The following RBFOX3 variants were observed in gnomAD, a reference collection of about 807,000 sequenced individuals.
RBFOX3 encodes RNA binding fox-1 homolog 3.
Under a neutral mutation model 48.7 loss-of-function variants are expected in RBFOX3, and 17 were observed. The ratio of observed to expected loss-of-function variants is 0.35; its 90% CI spans 0.24 to 0.52. RBFOX3 has a LOEUF of 0.52. Ranked by LOEUF, RBFOX3 falls within the 20% of genes least tolerant of loss-of-function variation. The pLI, the probability that RBFOX3 is intolerant of heterozygous loss-of-function variation, is 0.94. For synonymous variants in RBFOX3, 212 were observed against 209.5 expected (o/e 1.01, Z -0.10); for missense variants, 382 against 497.5 (o/e 0.77, Z 2.21).
intron 1 of RBFOX3, among the ~76,000 whole-genome samples, chr17:79,558,307 C>T (rs2144051207): frequency 6.6e-6 from 1 of 152,290 alleles, no homozygotes; most frequent in African/African-American, 2.4e-5. Context: ...AAAATATTTG[C>T]TAACACAGAG....
intron 2 of RBFOX3, among the ~76,000 whole-genome samples, chr17:79,413,487 GGA>G (rs1384572215): frequency 6.6e-6 from 1 of 152,256 alleles, no homozygotes; most frequent in Non-Finnish European, 1.5e-5. Flanking sequence ...GGGAATCCCT[GGA>G]GCCACAGCAT....
chr17:79,457,736 T>C (rs782053511), intron 2 of RBFOX3, among the ~76,000 whole-genome samples: 17 of 152,218 alleles, frequency 1.1e-4, no homozygotes, highest in Non-Finnish European at 2.4e-4. Context: ...ACAACAGCCA[T>C]GAGATCCCTG....
At chr17:79,236,182 G>A (rs2061610890) in intron 3 of RBFOX3, among the ~76,000 whole-genome samples, 1 of 152,244 alleles carries the variant, frequency 6.6e-6, no homozygotes, top group Non-Finnish European at 1.5e-5. Context: ...CTTGTTGATG[G>A]TGACGTTTAG....
At chr17:79,468,161 G>A (rs925082995) in intron 2 of RBFOX3, among the ~76,000 whole-genome samples, 7 of 152,228 alleles carry the variant, frequency 4.6e-5, no homozygotes, top group Non-Finnish European at 1.0e-4. Context: ...AACCCCACAC[G>A]CTAAGACCAA....
chr17:79,509,699 C>T (rs1325195609), intron 1 of RBFOX3, among the ~76,000 whole-genome samples: 2 of 151,818 alleles, frequency 1.3e-5, no homozygotes, highest in Non-Finnish European at 2.9e-5. Context: ...ATCCATCAGC[C>T]GTCGCACCCC....
intron 2 of RBFOX3, among the ~76,000 whole-genome samples, chr17:79,375,932 G>T (rs1226216467): frequency 6.6e-6 from 1 of 152,224 alleles, no homozygotes; most frequent in Non-Finnish European, 1.5e-5. Flanking sequence ...CTGTAAAACG[G>T]GGAGTGCAGT....
rs554728897 is a variant in RBFOX3 at position 79,304,569 on chromosome 17, T to C, written c.-74+3155A>G. Among the ~76,000 whole-genome samples the C allele has an allele frequency of 3.3e-5, 5 of 152,196 alleles. No homozygotes were observed. In the South Asian group the frequency reaches 8.3e-4, roughly 25 times the overall value. ...CGCACTGAGGTGTGAGCTGTGGTTA[T>C]TTCTGGCAGATTGTTACTTCTTCGT... is the stretch of plus-strand genomic sequence containing the variant. On this transcript the variant is annotated intron_variant, in intron 3 of 14. Coordinates refer to ENST00000693108, the MANE Select transcript of RBFOX3 (RefSeq NM_001350451.2).
intron 1 of RBFOX3, among the ~76,000 whole-genome samples, chr17:79,548,127 C>T (rs2090707802): frequency 6.6e-6 from 1 of 152,258 alleles, no homozygotes; most frequent in Non-Finnish European, 1.5e-5. Context: ...GGGAACCTCG[C>T]CCAGTGCGGC....
intron 4 of RBFOX3, among the ~76,000 whole-genome samples, chr17:79,213,828 G>A (rs918589339): frequency 1.3e-5 from 2 of 152,210 alleles, no homozygotes; most frequent in African/African-American, 4.8e-5. Flanking sequence ...AACGTCACAG[G>A]AAACCTGACT....
intron 2 of RBFOX3, among the ~76,000 whole-genome samples, chr17:79,403,128 GCT>G (rs2063029468): frequency 6.6e-6 from 1 of 152,184 alleles, no homozygotes; most frequent in Non-Finnish European, 1.5e-5. Flanking sequence ...GGAAGACTTG[GCT>G]CCCTCCCCCT....
At chr17:79,658,290 ACCCTTCCCTCTCTCCCTCTCTCC>A in the RBFOX3 span, among the ~76,000 whole-genome samples, 1 of 100,922 alleles carries the variant, frequency 9.9e-6, no homozygotes, top group Non-Finnish European at 2.0e-5. Context: ...CTCCTCCTCC[ACCCTTCCCTCTCTCCCTCTCTCC>A]CCCATCTCTC....
In RBFOX3 at chr17:79,572,076, C is replaced by T. The variant is rs968768896; in HGVS notation, c.-320+38750G>A. On this transcript the variant is annotated intron_variant, in intron 1 of 14. Transcript: ENST00000693108. The stretch of plus-strand genomic sequence containing the variant: ...CGAGAGGCGGGTGTTATTATCACTC[C>T]TCCCATCTTATACACGGGGAAACTA... Among the ~76,000 whole-genome samples, 32 of 152,320 alleles carry T rather than the reference C, an allele frequency of 2.1e-4. No homozygotes were observed. In the East Asian group the frequency reaches 4.2e-3, roughly 20 times the overall value.
Position 79,443,573 on chromosome 17 carries a change from G to A in RBFOX3, c.-175+38881C>T, listed in dbSNP as rs2071610133. Among the ~76,000 whole-genome samples, 1 of 152,098 alleles carries A rather than the reference G, an allele frequency of 6.6e-6. No individual in the cohort carries two copies. The highest frequency in any genetic ancestry group is 2.4e-5 in the African/African-American group (1 of 41,420). On this transcript the variant is annotated intron_variant, in intron 2 of 14. Transcript: ENST00000693108. The surrounding 1 kb of genome is among the most constrained non-coding windows in gnomAD (Gnocchi z 4.4). ...AATTTTTGTATTTTTAGTAGAGATGGGGTTTCACCATGTTGGCCAGGCTGG... is the reference window on the plus strand; with the variant it reads ...AATTTTTGTATTTTTAGTAGAGATGAGGTTTCACCATGTTGGCCAGGCTGG...
At chr17:79,238,200 G>C (rs1013383564) in intron 3 of RBFOX3, among the ~76,000 whole-genome samples, 3 of 152,332 alleles carry the variant, frequency 2.0e-5, no homozygotes, top group Middle Eastern at 3.4e-3. Context: ...GCCTCCCAGA[G>C]TGCTGGGATT....
rs1568120911 is a variant in RBFOX3 at position 79,097,688 on chromosome 17, T to C, written c.622+4A>G. On this transcript the variant is annotated splice_donor_region_variant and intron_variant, in intron 10 of 14. Coordinates refer to ENST00000693108, the MANE Select transcript of RBFOX3 (RefSeq NM_001350451.2). ...TCCCATCCCCGCCCCGCCCCAGCTT[T>C]TACCTGCATAGAATTCAGGCCCGTA... The C allele has an allele frequency of 2.6e-6, 4 of 1,548,672 alleles. No homozygotes were observed. Among genetic ancestry groups the C allele is most frequent in the Non-Finnish European group, 3.5e-6 (4 of 1,145,476 alleles).
intron 1 of RBFOX3, among the ~76,000 whole-genome samples, chr17:79,499,448 T>A (rs1455617323): frequency 2.6e-5 from 4 of 152,054 alleles, no homozygotes; most frequent in African/African-American, 4.8e-5. Context: ...CATCCATCCA[T>A]CCATCTACCC....
chr17:79,164,036 C>A (rs1303543353), intron 4 of RBFOX3, among the ~76,000 whole-genome samples: 1 of 152,224 alleles, frequency 6.6e-6, no homozygotes, highest in Non-Finnish European at 1.5e-5. Flanking sequence ...CCACCTCCAC[C>A]CCACAGCTCA....
chr17:79,573,443 A>C (rs2092750101), intron 1 of RBFOX3, among the ~76,000 whole-genome samples: 1 of 152,064 alleles, frequency 6.6e-6, no homozygotes, highest in African/African-American at 2.4e-5. Context: ...AGCCTGGAGG[A>C]GGGGCTTCCA....
intron 1 of RBFOX3, among the ~76,000 whole-genome samples, chr17:79,603,115 T>C (rs1410699466): frequency 6.6e-6 from 1 of 151,728 alleles, no homozygotes; most frequent in Non-Finnish European, 1.5e-5. Flanking sequence ...CTCAGCCTCC[T>C]GAGTAGCTGG....
Sources: gnomAD v4.1 joint callset for allele counts (sites outside exome capture counted in the v4.1 genomes callset) on GRCh38, gnomAD v4.1.1 for gene constraint, Gnocchi (gnomAD v3.1) non-coding constraint, MANE v1.5 for transcripts, NCBI Gene and HGNC (gene_info 2026-07-23, HGNC 2026-07-21) for gene names.